The following SNX20 variants were observed in gnomAD, a reference collection of about 807,000 sequenced individuals.
SNX20 encodes the protein sorting nexin-20.
In SNX20, 21 loss-of-function variants were observed where a neutral mutation model predicts 24.5. The ratio of observed to expected loss-of-function variants is 0.86; its 90% CI spans 0.61 to 1.23. The LOEUF (loss-of-function observed/expected upper bound fraction) is 1.23. Ranked by LOEUF, SNX20 falls within the 50% of genes most tolerant of loss-of-function variation. SNX20 has a pLI of 0.00. For missense variants in SNX20, 433 were observed against 430.8 expected (o/e 1.00, Z -0.04); for synonymous variants, 206 against 192.8 (o/e 1.07, Z -0.57).
chr16:50,671,294 C>T (rs574621678), downstream of SNX20: 1 of 152,204 alleles, frequency 6.6e-6, no homozygotes, highest in South Asian at 2.1e-4. Flanking sequence ...GATTTCTCTG[C>T]TTGAGGGATT....
At chr16:50,677,960 G>A (rs1038515224) in intron 1 of SNX20, among the ~76,000 whole-genome samples, 1 of 152,086 alleles carries the variant, frequency 6.6e-6, no homozygotes, top group Non-Finnish European at 1.5e-5. Flanking sequence ...TAATCCCAGC[G>A]CTTTGGGAGG....
At position 50,677,653 on chromosome 16, in the gene SNX20, C is replaced by T. The variant is rs554115009; in HGVS notation, c.-9-118G>A. 34 of 1,129,874 alleles carry T rather than the reference C, an allele frequency of 3.0e-5. No individual in the cohort carries two copies. In the African/African-American group the frequency reaches 4.8e-4, roughly 16 times the overall value. 70.0% of individuals were successfully genotyped at this position (1,129,874 alleles called of 1,614,324 possible). ...TGGCAGGCAGAGGGAATGACAAGGG[C>T]CCCACGGCTCAACCTTCCCCACTCT... On this transcript the variant is annotated intron_variant, in intron 1 of 3. Coordinates refer to ENST00000330943, the MANE Select transcript of SNX20 (RefSeq NM_182854.4).
rs1214770231 is a variant in SNX20 at position 50,673,766 on chromosome 16, C to A, written c.591G>T (p.Arg197=). The change falls in exon 4 of 4, where the codon CGG becomes CGT. Residue 197 remains arginine, a synonymous_variant. Transcript: ENST00000330943. This position sits in a 1 kb window ranked among gnomAD's most constrained non-coding sequence, Gnocchi z 4.1. ...PELREAFGCL[R]AGQYPRALEL... ...CCAGGGCGCGCGGGTACTGGCCGGC[C>A]CGCAGGCAGCCGAAAGCCTCGCGCA... is the stretch of plus-strand genomic sequence containing the variant. 1 of 1,530,196 alleles carries A rather than the reference C, an allele frequency of 6.5e-7. No homozygotes were observed. Among genetic ancestry groups the A allele is most frequent in the Non-Finnish European group, 8.7e-7 (1 of 1,145,516 alleles). The allele number at this position is 1,530,196 out of a possible 1,614,324, so 94.8% of individuals were successfully genotyped here.
Position 50,675,844 on chromosome 16 carries a change from G to A in SNX20, c.208C>T (p.Arg70Cys), listed in dbSNP as rs199868867. The stretch of plus-strand genomic sequence containing the variant: ...AAGAGCAGTTTGACGTGCTTCCAGC[G>A]GCATTTCTGGTTCTGCCAGTACTGC... Reference protein sequence around the residue: ...LQQYWQNQKCRWKHVKLLFEI... With the variant: ...LQQYWQNQKCCWKHVKLLFEI... The change falls in exon 3 of 4, where the codon CGC (arginine) becomes TGC (cysteine). Residue 70 changes from arginine (R) to cysteine (C), a missense_variant. Arg to Cys is a radical substitution (Grantham distance 180). Coordinates refer to ENST00000330943, the MANE Select transcript of SNX20 (RefSeq NM_182854.4). The A allele has an allele frequency of 3.6e-4, 586 of 1,613,572 alleles. 6 individuals are homozygous for A. The South Asian group carries it at 6.0e-3, about 16-fold the overall frequency.
chr16:50,678,816 C>A (rs1963236964), intron 1 of SNX20, among the ~76,000 whole-genome samples: 1 of 152,212 alleles, frequency 6.6e-6, no homozygotes, highest in African/African-American at 2.4e-5. Flanking sequence ...GGGATAATAA[C>A]AGAACCCACG....
downstream of SNX20, chr16:50,671,344 G>A (rs146923255): frequency 3.1e-3 from 470 of 152,160 alleles, 8 homozygotes; most frequent in Admixed American, 0.023. Flanking sequence ...AAACATGGGC[G>A]AGTGCCCGCT....
rs1419715238 is a variant in SNX20 at position 50,673,823 on chromosome 16, C to T, written c.534G>A (p.Arg178=). 1 of 1,597,230 alleles carries T rather than the reference C, an allele frequency of 6.3e-7. No individual in the cohort carries two copies. The highest frequency in any genetic ancestry group is 1.3e-5 in the African/African-American group (1 of 74,552). The change falls in exon 4 of 4, where the codon CGG becomes CGA. Residue 178 remains arginine, a synonymous_variant. Transcript: ENST00000330943. This position sits in a 1 kb window ranked among gnomAD's most constrained non-coding sequence, Gnocchi z 4.1. ...GCCGCGTGAGGAAGTCCAGGAACTC[C>T]CGGGAGCGGCGCACGCAGCGGATGG... ...LYAIRCVRRS[R]EFLDFLTRPE... is the part of the protein sequence containing the mutation.
chr16:50,675,698 C>T (rs571535935), intron 3 of SNX20, 72 bp downstream of exon 3: 1 of 1,585,178 alleles, frequency 6.3e-7, no homozygotes, highest in South Asian at 1.1e-5. Flanking sequence ...ACCTGAGGCT[C>T]TACAAGACTT....
At chr16:50,668,109 G>A (rs1204254505), downstream of SNX20, 2 of 1,551,288 alleles carry the variant, frequency 1.3e-6, no homozygotes, top group East Asian at 4.9e-5. Flanking sequence ...GAGCTGGAGA[G>A]CACACAGGGC....
chr16:50,674,281 G>T (rs993890428), intron 3 of SNX20, among the ~76,000 whole-genome samples: 38 of 151,342 alleles, frequency 2.5e-4, no homozygotes, highest in African/African-American at 9.3e-4. Context: ...ACAGGGTCTC[G>T]CACTGTTACC....
chr16:50,673,655 C>T lies in SNX20; in HGVS notation c.702G>A (p.Leu234=). ...GGCGGTCGAGGTCGCGGTGGCACAGCAGCACGGCGCACAGGGCCGGGACGG... is the reference window on the plus strand; with the variant it reads ...GGCGGTCGAGGTCGCGGTGGCACAGTAGCACGGCGCACAGGGCCGGGACGG... ...AAAVPALCAV[L]LCHRDLDRPA... is the part of the protein sequence containing the mutation. Residue 234 remains leucine, a synonymous_variant, in exon 4 of 4, where the codon CTG becomes CTA. Transcript: ENST00000330943. The surrounding 1 kb of genome is among the most constrained non-coding windows in gnomAD (Gnocchi z 4.1). The T allele has an allele frequency of 6.6e-7, 1 of 1,510,646 alleles. No homozygotes were observed. The highest frequency in any genetic ancestry group is 8.8e-7 in the Non-Finnish European group (1 of 1,139,114). 93.6% of individuals were successfully genotyped at this position (1,510,646 alleles called of 1,614,324 possible). A position where few individuals can be genotyped will look rare whatever the true frequency, so the allele number is the denominator to read the frequency against.
rs1309425558 is a variant in SNX20 at position 50,673,410 on chromosome 16, T to C, written c.947A>G (p.His316Arg). 1 of 1,539,844 alleles carries C rather than the reference T, an allele frequency of 6.5e-7. No individual in the cohort carries two copies. Among genetic ancestry groups the C allele is most frequent in the South Asian group, 1.2e-5 (1 of 82,350 alleles). Residue 316 changes from histidine (H) to arginine (R), a missense_variant, in exon 4 of 4, where the codon CAC becomes CGC. Coordinates refer to ENST00000330943, the MANE Select transcript of SNX20 (RefSeq NM_182854.4). The surrounding 1 kb of genome is among the most constrained non-coding windows in gnomAD (Gnocchi z 4.1). ...CCTGCGGGGTCCCAGGCCGGCTCAG[T>C]GCAGGTATTCTCGCACAGTGAGCTC... ...LKELTVREYL[H>R]
chr16:50,673,809 A>G lies in SNX20; in HGVS notation c.548T>C (p.Phe183Ser). Residue 183 changes from phenylalanine to serine, a missense_variant, in exon 4 of 4, where the codon TTC becomes TCC. Transcript: ENST00000330943. This position sits in a 1 kb window ranked among gnomAD's most constrained non-coding sequence, Gnocchi z 4.1. ...CTCGCGCAGCTCCGGCCGCGTGAGG[A>G]AGTCCAGGAACTCCCGGGAGCGGCG... ...CVRRSREFLD[F>S]LTRPELREAF... is the part of the protein sequence containing the mutation. 6.3e-7 allele frequency: 1 copy of G among 1,592,140 alleles called. No homozygotes were observed. The highest frequency in any genetic ancestry group is 8.5e-7 in the Non-Finnish European group (1 of 1,174,558).
At position 50,673,668 on chromosome 16, in the gene SNX20, A is replaced by G; in HGVS notation, c.689T>C (p.Leu230Pro). ...GCGGTGGCACAGCAGCACGGCGCAC[A>G]GGGCCGGGACGGCGGCCGCAGGGCA... is the stretch of plus-strand genomic sequence containing the variant. ...AHCPAAAVPA[L>P]CAVLLCHRDL... is the part of the protein sequence containing the mutation. The change falls in exon 4 of 4, where the codon CTG (leucine) becomes CCG (proline). Residue 230 changes from leucine (L) to proline (P), a missense_variant. Physicochemically the swap from Leu to Pro is moderately conservative, Grantham distance 98. Transcript: ENST00000330943. This position sits in a 1 kb window ranked among gnomAD's most constrained non-coding sequence, Gnocchi z 4.1. The G allele has an allele frequency of 6.7e-7, 1 of 1,499,402 alleles. No homozygotes were observed. Among genetic ancestry groups the G allele is most frequent in the South Asian group, 1.3e-5 (1 of 79,810 alleles). The allele number at this position is 1,499,402 out of a possible 1,614,324, so 92.9% of individuals were successfully genotyped here.
chr16:50,673,934 G>A lies in SNX20; in HGVS notation c.423C>T (p.Pro141=), dbSNP rs767964282. ...FREEIEDVEF[P]RKHLTGNFAE... is the part of the protein sequence containing the mutation. The stretch of plus-strand genomic sequence containing the variant: ...CGAAGTTCCCAGTCAGGTGCTTCCT[G>A]GGAAACTCCACGTCTTCGATCTCCT... The change falls in exon 4 of 4, where the codon CCC becomes CCT. Residue 141 remains proline, a synonymous_variant. Coordinates refer to ENST00000330943, the MANE Select transcript of SNX20 (RefSeq NM_182854.4). The surrounding 1 kb of genome is among the most constrained non-coding windows in gnomAD (Gnocchi z 4.1). 2.5e-6 allele frequency: 4 copies of A among 1,612,868 alleles called. No homozygotes were observed. In the South Asian group the frequency reaches 4.4e-5, roughly 18 times the overall value.
At chr16:50,676,443 A>G (rs1328371033) in intron 2 of SNX20, among the ~76,000 whole-genome samples, 1 of 152,104 alleles carries the variant, frequency 6.6e-6, no homozygotes, top group African/African-American at 2.4e-5. Context: ...TCGGACGTGC[A>G]CTGCTCTGCC....
downstream of SNX20, chr16:50,668,969 CT>C: frequency 6.5e-7 from 1 of 1,542,356 alleles, no homozygotes; most frequent in South Asian, 1.2e-5. Context: ...CCCTGCACCC[CT>C]AGGCCCAGCT....
At chr16:50,671,087 A>T (rs1331355278), downstream of SNX20, 1 of 40,242 alleles carries the variant, frequency 2.5e-5, no homozygotes. Context: ...CCACCCCCCC[A>T]ACACCCCACA....
chr16:50,680,965 G>A (rs549435569), intron 1 of SNX20, among the ~76,000 whole-genome samples: 1 of 152,316 alleles, frequency 6.6e-6, no homozygotes, highest in South Asian at 2.1e-4. Context: ...GCCCAAGATG[G>A]GTTGTACAAG....
Sources: allele counts gnomAD v4.1 joint callset (sites outside exome capture counted in the v4.1 genomes callset), GRCh38; gene constraint gnomAD v4.1.1; non-coding constraint Gnocchi (gnomAD v3.1); transcripts MANE v1.5; gene names NCBI Gene and HGNC (gene_info 2026-07-23, HGNC 2026-07-21).